The following AZGP1 variants were observed in gnomAD, a reference collection of about 807,000 sequenced individuals.
AZGP1 encodes the protein zinc-alpha-2-glycoprotein.
AZGP1 carries 28 observed loss-of-function variants against 31.5 expected under a neutral mutation model. That is an observed-to-expected ratio of 0.89 (90% confidence interval 0.66 to 1.22). The LOEUF is 1.22. AZGP1 is among the 50% of genes most tolerant of loss of function. AZGP1 has a pLI of 0.00. For missense variants in AZGP1, 361 were observed against 371.8 expected (o/e 0.97, Z 0.24); for synonymous variants, 135 against 145.4 (o/e 0.93, Z 0.51).
chr7:99,966,824 T>TCTA lies in AZGP1; in HGVS notation c.*176_*178dup. The TCTA allele has an allele frequency of 1.1e-6, 1 of 929,162 alleles. No homozygotes were observed. Among genetic ancestry groups the TCTA allele is most frequent in the Non-Finnish European group, 1.6e-6 (1 of 627,378 alleles). The allele number at this position is 929,162 out of a possible 1,614,324, so 57.6% of individuals were successfully genotyped here. On this transcript the variant is annotated 3_prime_UTR_variant, in exon 4 of 4. Transcript: ENST00000292401. The stretch of plus-strand genomic sequence containing the variant: ...GGTGAGATGATTTTTTGGGTCCAAG[T>TCTA]CTACTCAAGACAGGCATCCCAGTCT...
chr7:99,975,988 CAG>C lies in AZGP1; in HGVS notation c.31_32del (p.Leu11AlafsTer31). 6.2e-7 allele frequency: 1 copy of C among 1,614,036 alleles called. No individual in the cohort carries two copies. On this transcript the variant is annotated frameshift_variant, in exon 1 of 4. Coordinates refer to ENST00000292401, the MANE Select transcript of AZGP1 (RefSeq NM_001185.4). LOFTEE classifies it high-confidence loss of function. ...GGACAGCAGGACCCAGAAGCAGCAGCAGAGACAGCAGGACAGGCACCATTCTT... is the reference window on the plus strand; with the variant it reads ...GGACAGCAGGACCCAGAAGCAGCAGCAGACAGCAGGACAGGCACCATTCTT... Reference protein sequence around the residue: MVRMVPVLLSLLLLLGPAVPQ... With the variant: MVRMVPVLLSXLLLLGPAVPQ...
Position 99,966,781 on chromosome 7 carries a change from G to A in AZGP1, c.*222C>T. ...ATTAGCTTCTACAGATTAGACAATG[G>A]GGTGGGGGTGGGCTCAAGGTGAGAT... On this transcript the variant is annotated 3_prime_UTR_variant, in exon 4 of 4. Transcript: ENST00000292401. 1 of 615,088 alleles carries A rather than the reference G, an allele frequency of 1.6e-6. No individual in the cohort carries two copies. Among genetic ancestry groups the A allele is most frequent in the South Asian group, 2.0e-5 (1 of 49,944 alleles). 38.1% of individuals were successfully genotyped at this position (615,088 alleles called of 1,614,324 possible).
chr7:99,968,945 A>G (rs560191375), intron 2 of AZGP1, among the ~76,000 whole-genome samples: 25 of 126,038 alleles, frequency 2.0e-4, no homozygotes, highest in Non-Finnish European at 3.5e-4. Context: ...CCTGGGTGAC[A>G]GAGTGAGACC....
At chr7:99,970,554 T>C (rs973928839) in intron 2 of AZGP1, among the ~76,000 whole-genome samples, 8 of 152,166 alleles carry the variant, frequency 5.3e-5, no homozygotes, top group Admixed American at 1.3e-4. Flanking sequence ...TCTATTATTT[T>C]CTAATACCCT....
chr7:99,966,756 A>T lies in AZGP1; in HGVS notation c.*247T>A, dbSNP rs531127137. ...GCTAGGCAAGGAGGGATGATTATTT[A>T]TTAGCTTCTACAGATTAGACAATGG... On this transcript the variant is annotated 3_prime_UTR_variant, in exon 4 of 4. Transcript: ENST00000292401. The T allele has an allele frequency of 3.6e-6, 2 of 558,076 alleles. No individual in the cohort carries two copies. The highest frequency in any genetic ancestry group is 4.0e-5 in the African/African-American group (2 of 49,552). 34.6% of individuals were successfully genotyped at this position (558,076 alleles called of 1,614,324 possible). A position where few individuals can be genotyped will look rare whatever the true frequency, so the allele number is the denominator to read the frequency against.
In AZGP1 at chr7:99,968,149, G is replaced by A; in HGVS notation, c.613+6C>T. Reference sequence around the variant, plus strand: ...TCAGTACTGGGGAGCAGGAAGCAGTGAGTACCTTGCCGGTCCAGGATATTT... The same window carrying A: ...TCAGTACTGGGGAGCAGGAAGCAGTAAGTACCTTGCCGGTCCAGGATATTT... On this transcript the variant is annotated splice_donor_region_variant and intron_variant, in intron 3 of 3. Transcript: ENST00000292401. The A allele has an allele frequency of 3.1e-6, 5 of 1,613,792 alleles. No individual in the cohort carries two copies. The highest frequency in any genetic ancestry group is 4.2e-6 in the Non-Finnish European group (5 of 1,179,986).
In AZGP1 at chr7:99,967,024, C is replaced by A; in HGVS notation, c.876G>T (p.Val292=). 1.2e-6 allele frequency: 2 copies of A among 1,613,800 alleles called. No individual in the cohort carries two copies. The highest frequency in any genetic ancestry group is 1.7e-6 in the Non-Finnish European group (2 of 1,179,768). The change falls in exon 4 of 4, where the codon GTG becomes GTT. Residue 292 remains valine, a synonymous_variant. Transcript: ENST00000292401. ...CTTCCTAGCTGGCCTCCCAGGGCAC[C>A]ACGAGGGGCTGGGCCAGGCTGCTGT... is the stretch of plus-strand genomic sequence containing the variant. ...VQHSSLAQPL[V]VPWEAS
In AZGP1 at chr7:99,968,339, G is replaced by C; in HGVS notation, c.429C>G (p.Asp143Glu). ...GGATTTCTTTGTTGAATTCAATGTA[G>C]TCCTTTCCATCATAGTAATATTTCC... is the stretch of plus-strand genomic sequence containing the variant. ...AFWKYYYDGK[D>E]YIEFNKEIPA... The change falls in exon 3 of 4, where the codon GAC becomes GAG. Residue 143 changes from aspartate to glutamate, a missense_variant. Transcript: ENST00000292401. The C allele has an allele frequency of 1.9e-6, 3 of 1,613,632 alleles. No homozygotes were observed. The highest frequency in any genetic ancestry group is 8.5e-7 in the Non-Finnish European group (1 of 1,179,964).
intron 1 of AZGP1, among the ~76,000 whole-genome samples, chr7:99,972,325 T>G (rs1391943580): frequency 6.6e-6 from 1 of 152,178 alleles, no homozygotes; most frequent in Non-Finnish European, 1.5e-5. Context: ...TGAGCAGAAG[T>G]GATGTCTTTC....
chr7:99,972,006 C>A lies in AZGP1; in HGVS notation c.77G>T (p.Gly26Val). 1.2e-6 allele frequency: 2 copies of A among 1,600,186 alleles called. No individual in the cohort carries two copies. The highest frequency in any genetic ancestry group is 2.2e-5 in the South Asian group (2 of 89,462). Reference protein sequence around the residue: ...GPAVPQENQDGRYSLTYIYTG... With the variant: ...GPAVPQENQDVRYSLTYIYTG... ...GTAGATATAGGTCAGAGAGTAACGA[C>A]CTGCAAAAGAAAAGATTCTGATGGT... The change falls in exon 2 of 4, where the codon GGT (glycine) becomes GTT (valine). Residue 26 changes from glycine (G) to valine (V), a missense_variant and splice_region_variant. Gly to Val is a moderately radical substitution (Grantham distance 109). Coordinates refer to ENST00000292401, the MANE Select transcript of AZGP1 (RefSeq NM_001185.4).
rs778899781 is a variant in AZGP1, at chr7:99,967,168, C to A, written c.732G>T (p.Glu244Asp). The A allele has an allele frequency of 3.7e-6, 6 of 1,614,160 alleles. No homozygotes were observed. The highest frequency in any genetic ancestry group is 5.1e-6 in the Non-Finnish European group (6 of 1,180,026). The change falls in exon 4 of 4, where the codon GAG becomes GAT. Residue 244 changes from glutamate to aspartate, a missense_variant. Physicochemically the swap from Glu to Asp is conservative, Grantham distance 45. Transcript: ENST00000292401. Reference sequence around the variant, plus strand: ...CTCCCCGTAACTCAGGCTCCTGCACCTCGCCGGCCCGAGTCCAGTGCACAT... The same window carrying A: ...CTCCCCGTAACTCAGGCTCCTGCACATCGCCGGCCCGAGTCCAGTGCACAT... ...KIDVHWTRAG[E>D]VQEPELRGDV...
chr7:99,975,816 C>T (rs960313988), intron 1 of AZGP1, 129 bp downstream of exon 1: 3 of 980,302 alleles, frequency 3.1e-6, no homozygotes, highest in Admixed American at 3.6e-5. Context: ...GAGTTGACAG[C>T]CTTGGGCACC....
At chr7:99,967,360 C>G in intron 3 of AZGP1, 74 bp from the exon 4 acceptor site, 6 of 1,497,972 alleles carry the variant, frequency 4.0e-6, no homozygotes, top group Non-Finnish European at 5.4e-6. Context: ...CCTACCCCCA[C>G]CCCTGGATGT....
chr7:99,972,243 G>A (rs1789591690), intron 1 of AZGP1, among the ~76,000 whole-genome samples: 1 of 152,154 alleles, frequency 6.6e-6, no homozygotes, highest in South Asian at 2.1e-4. Context: ...TTGACACATA[G>A]GAAGATAACA....
At position 99,970,294 on chromosome 7, in the gene AZGP1, A is replaced by T. The variant is rs565702110; in HGVS notation, c.337+1452T>A. ...GTTTCACTCTTGTCACCCAGGCTGT[A>T]GTGCAATGGTAGGATTTTGGCTCAC... On this transcript the variant is annotated intron_variant, in intron 2 of 3. Coordinates refer to ENST00000292401, the MANE Select transcript of AZGP1 (RefSeq NM_001185.4). 1.6e-4 allele frequency among the ~76,000 whole-genome samples: 25 copies of T among 152,162 alleles called. 1 individual carries two copies. The highest frequency in any genetic ancestry group is 6.8e-3 in the Middle Eastern group (2 of 294).
At chr7:99,972,244 G>A (rs1462890638) in intron 1 of AZGP1, among the ~76,000 whole-genome samples, 1 of 152,166 alleles carries the variant, frequency 6.6e-6, no homozygotes, top group Non-Finnish European at 1.5e-5. Context: ...TGACACATAG[G>A]AAGATAACAT....
At chr7:99,969,334 G>C (rs995802250) in intron 2 of AZGP1, among the ~76,000 whole-genome samples, 4 of 151,736 alleles carry the variant, frequency 2.6e-5, no homozygotes, top group African/African-American at 9.7e-5. Context: ...GCTTGAACCT[G>C]GGGGACAGAA....
rs1789489592 is a variant in AZGP1, at chr7:99,966,998, G to A, written c.*5C>T. On this transcript the variant is annotated 3_prime_UTR_variant, in exon 4 of 4. Coordinates refer to ENST00000292401, the MANE Select transcript of AZGP1 (RefSeq NM_001185.4). ...AGATCCCACATTGCCTCCAACCCTT[G>A]CTTCCTAGCTGGCCTCCCAGGGCAC... 6.2e-7 allele frequency: 1 copy of A among 1,612,090 alleles called. No individual in the cohort carries two copies. Among genetic ancestry groups the A allele is most frequent in the Non-Finnish European group, 8.5e-7 (1 of 1,178,630 alleles).
chr7:99,969,284 C>G (rs1298862014), intron 2 of AZGP1, among the ~76,000 whole-genome samples: 2 of 152,052 alleles, frequency 1.3e-5, no homozygotes, highest in African/African-American at 4.8e-5. Context: ...TGGCACATGC[C>G]TGTAATCCCA....
Sources: allele counts gnomAD v4.1 joint callset (sites outside exome capture counted in the v4.1 genomes callset), GRCh38; gene constraint gnomAD v4.1.1; transcripts MANE v1.5; gene names NCBI Gene and HGNC (gene_info 2026-07-23, HGNC 2026-07-21).